The following ITPK1 variants were observed in gnomAD, a reference collection of about 807,000 sequenced individuals.
ITPK1 encodes inositol 1,3,4-trisphosphate 5/6-kinase.
In ITPK1, 21 loss-of-function variants were observed where a neutral mutation model predicts 45.3. The observed-to-expected ratio is 0.46, with a 90% confidence interval of 0.33 to 0.67. ITPK1 has a LOEUF of 0.67. Ranked by LOEUF, ITPK1 falls within the 30% of genes least tolerant of loss-of-function variation. ITPK1 has a pLI of 0.02. For synonymous variants in ITPK1, 258 were observed against 253.6 expected (o/e 1.02, Z -0.16); for missense variants, 474 against 573.5 (o/e 0.83, Z 1.77).
At chr14:93,031,436 G>A (rs1320286179) in intron 3 of ITPK1, among the ~76,000 whole-genome samples, 2 of 152,252 alleles carry the variant, frequency 1.3e-5, no homozygotes, top group Non-Finnish European at 2.9e-5. Context: ...GGTACAGGCT[G>A]TAAGCGCTTC....
At chr14:93,107,569 T>G (rs1436555442) in intron 2 of ITPK1, among the ~76,000 whole-genome samples, 1 of 152,080 alleles carries the variant, frequency 6.6e-6, no homozygotes, top group Non-Finnish European at 1.5e-5. Flanking sequence ...AGGTGGCCTC[T>G]GCCACAGGTG....
At chr14:92,962,440 T>A in intron 6 of ITPK1, 45 bp from the exon 7 acceptor site, 1 of 1,353,646 alleles carries the variant, frequency 7.4e-7, no homozygotes, top group East Asian at 2.3e-5. Context: ...AGTGAGGCCG[T>A]TCACCCACAA....
chr14:93,076,840 T>C lies in ITPK1; in HGVS notation c.96-221A>G, dbSNP rs1298966224. On this transcript the variant is annotated intron_variant, in intron 2 of 10. Coordinates refer to ENST00000267615, the MANE Select transcript of ITPK1 (RefSeq NM_014216.6). The surrounding 1 kb of genome is among the most constrained non-coding windows in gnomAD (Gnocchi z 4.3). ...GAGAGGGCTGGCTCTGCAGAGGGAC[T>C]TGCTGGAGTCCTCTGGAGGCCCCAC... Among the ~76,000 whole-genome samples the C allele has an allele frequency of 6.6e-6, 1 of 152,080 alleles. No individual in the cohort carries two copies. The highest frequency in any genetic ancestry group is 1.5e-5 in the Non-Finnish European group (1 of 68,000).
chr14:93,050,816 G>A (rs764015754), intron 3 of ITPK1, among the ~76,000 whole-genome samples: 1 of 151,712 alleles, frequency 6.6e-6, no homozygotes, highest in Non-Finnish European at 1.5e-5. Flanking sequence ...AGGCCCACAC[G>A]TGTGGGGGAG....
chr14:92,941,944 G>A (rs1887446786), intron 10 of ITPK1, 40 bp from the exon 11 acceptor site: 1 of 1,571,522 alleles, frequency 6.4e-7, no homozygotes, highest in African/African-American at 1.4e-5. Context: ...GCGTGAGCCA[G>A]GGGCACGCAT....
chr14:93,105,252 C>T (rs1474975862), intron 2 of ITPK1, among the ~76,000 whole-genome samples: 3 of 152,172 alleles, frequency 2.0e-5, no homozygotes. Context: ...GAACCTCTGG[C>T]TCCAGCAAAC....
chr14:92,939,864 C>T lies in ITPK1; in HGVS notation c.*1697G>A, dbSNP rs1346849580. The T allele has an allele frequency of 2.6e-5, 26 of 985,602 alleles. No homozygotes were observed. The highest frequency in any genetic ancestry group is 5.2e-5 in the African/African-American group (3 of 57,208). The allele number at this position is 985,602 out of a possible 1,614,324, so 61.1% of individuals were successfully genotyped here. A position where few individuals can be genotyped will look rare whatever the true frequency, so the allele number is the denominator to read the frequency against. Reference sequence around the variant, plus strand: ...AACATGTGTAAACACGTGTGAAATGCGGTTTGATTTCAGTAGTTTATTTTG... The same window carrying T: ...AACATGTGTAAACACGTGTGAAATGTGGTTTGATTTCAGTAGTTTATTTTG... On this transcript the variant is annotated 3_prime_UTR_variant, in exon 11 of 11. Coordinates refer to ENST00000267615, the MANE Select transcript of ITPK1 (RefSeq NM_014216.6).
chr14:93,110,695 G>A lies in ITPK1; in HGVS notation c.95+4374C>T, dbSNP rs145117365. On this transcript the variant is annotated intron_variant, in intron 2 of 10. Transcript: ENST00000267615. ...AATGAACTCCTCAGTCCCTTCTAAG[G>A]TATTGGGACAAAAGGGTCCCTGGTG... Among the ~76,000 whole-genome samples, 270 of 152,292 alleles carry A rather than the reference G, an allele frequency of 1.8e-3. 3 individuals carry two copies. Among genetic ancestry groups the A allele is most frequent in the Non-Finnish European group, 3.2e-3 (215 of 68,030 alleles).
chr14:93,100,382 G>A (rs979977681), intron 2 of ITPK1, among the ~76,000 whole-genome samples: 5 of 152,098 alleles, frequency 3.3e-5, no homozygotes, highest in African/African-American at 9.7e-5. Context: ...CTGTTAATGC[G>A]GATCAAATGA....
chr14:92,989,561 A>G (rs1347354058), intron 5 of ITPK1, among the ~76,000 whole-genome samples: 1 of 152,194 alleles, frequency 6.6e-6, no homozygotes, highest in Non-Finnish European at 1.5e-5. Context: ...CTAGGGTAGC[A>G]CAGCCATGCC....
chr14:93,058,436 AG>A (rs1890308938), intron 3 of ITPK1, among the ~76,000 whole-genome samples: 1 of 18,992 alleles, frequency 5.3e-5, no homozygotes, highest in East Asian at 1.9e-3. Flanking sequence ...GTCACGAGGC[AG>A]GGGTTGAGGG....
chr14:93,107,571 C>T (rs1040137032), intron 2 of ITPK1, among the ~76,000 whole-genome samples: 3 of 152,162 alleles, frequency 2.0e-5, no homozygotes, highest in Non-Finnish European at 4.4e-5. Flanking sequence ...GTGGCCTCTG[C>T]CACAGGTGTG....
chr14:92,957,381 G>A (rs542782839), intron 8 of ITPK1, among the ~76,000 whole-genome samples: 2 of 152,362 alleles, frequency 1.3e-5, no homozygotes, highest in African/African-American at 4.8e-5. Flanking sequence ...ACGTGCCTTA[G>A]AGATGCCTTC....
At chr14:93,030,733 ATG>A (rs1889001387) in intron 3 of ITPK1, among the ~76,000 whole-genome samples, 1 of 152,184 alleles carries the variant, frequency 6.6e-6, no homozygotes, top group Non-Finnish European at 1.5e-5. Context: ...AAAAAACGGT[ATG>A]TTGAAGTCCT....
chr14:93,066,054 C>T lies in ITPK1; in HGVS notation c.120+10541G>A, dbSNP rs555093012. On this transcript the variant is annotated intron_variant, in intron 3 of 10. Coordinates refer to ENST00000267615, the MANE Select transcript of ITPK1 (RefSeq NM_014216.6). ...TTCATTTGTGAGCCTATCTTGACTT[C>T]CCAAGATTTCCACAAGTACATATTA... The T allele has an allele frequency of 8.2e-5, 22 of 268,338 alleles. No homozygotes were observed. The East Asian group carries it at 2.3e-3, about 28-fold the overall frequency. The allele number at this position is 268,338 out of a possible 1,614,324, so 16.6% of individuals were successfully genotyped here.
chr14:93,082,848 G>A (rs1891492152), intron 2 of ITPK1, among the ~76,000 whole-genome samples: 1 of 152,204 alleles, frequency 6.6e-6, no homozygotes, highest in Non-Finnish European at 1.5e-5. Flanking sequence ...ATGAGCCAGA[G>A]GCCAACCAGG....
At chr14:93,068,673 G>C (rs1310260027) in intron 3 of ITPK1, 1 of 152,236 alleles carries the variant, frequency 6.6e-6, no homozygotes, top group Non-Finnish European at 1.5e-5. Flanking sequence ...ACGCTGGAGA[G>C]TATGGGTGGC....
chr14:92,970,927 G>A (rs192850155), intron 5 of ITPK1, among the ~76,000 whole-genome samples: 2 of 152,292 alleles, frequency 1.3e-5, no homozygotes, highest in Admixed American at 6.5e-5. Context: ...GAGCCACCGG[G>A]CCAGCCTTAC....
chr14:93,060,985 G>T (rs1890494766), intron 3 of ITPK1, among the ~76,000 whole-genome samples: 1 of 152,174 alleles, frequency 6.6e-6, no homozygotes, highest in African/African-American at 2.4e-5. Context: ...TCAGGTAGCT[G>T]GGGTTCCCTG....
Sources: allele counts gnomAD v4.1 joint callset (sites outside exome capture counted in the v4.1 genomes callset), GRCh38; gene constraint gnomAD v4.1.1; non-coding constraint Gnocchi (gnomAD v3.1); transcripts MANE v1.5; gene names NCBI Gene and HGNC (gene_info 2026-07-23, HGNC 2026-07-21).